The following ESR1 variants were observed in gnomAD, a reference collection of about 807,000 sequenced individuals.
ESR1 encodes the protein estrogen receptor 1.
A neutral mutation model predicts 52.7 loss-of-function variants in ESR1; 12 were observed. The observed-to-expected ratio is 0.23, with a 90% CI of 0.15 to 0.37. The LOEUF (loss-of-function observed/expected upper bound fraction) is 0.37. ESR1 is among the 10% of genes least tolerant of loss of function. ESR1 has a pLI of 1.00. For synonymous variants in ESR1, 305 were observed against 316.8 expected, an observed-to-expected ratio of 0.96 and a Z score of 0.39; for missense variants, 584 against 779.7, an observed-to-expected ratio of 0.75 and a Z score of 2.99.
chr6:152,026,373 A>G (rs2044148709), intron 5 of ESR1, among the ~76,000 whole-genome samples: 1 of 151,952 alleles, frequency 6.6e-6, no homozygotes. Context: ...ATTTTACCCT[A>G]TCTAATATCA....
At chr6:151,822,575 A>G (rs1780742908) in intron 1 of ESR1, among the ~76,000 whole-genome samples, 1 of 152,194 alleles carries the variant, frequency 6.6e-6, no homozygotes, top group South Asian at 2.1e-4. Context: ...TGATCATTTT[A>G]AATCTTCCCG....
Position 152,094,264 on chromosome 6 carries a change from T to A in ESR1, c.1370-121T>A. ...TTTAAATGGGTCCAGAGCATCCCCA[T>A]TGCTAGACTACTGTGCTGAGGAAGG... On this transcript the variant is annotated intron_variant, in intron 6 of 7. Coordinates refer to ENST00000206249, the MANE Select transcript of ESR1 (RefSeq NM_000125.4). The surrounding 1 kb of genome is among the most constrained non-coding windows in gnomAD (Gnocchi z 4.6). The A allele has an allele frequency of 1.2e-6, 1 of 864,634 alleles. No homozygotes were observed. Among genetic ancestry groups the A allele is most frequent in the Non-Finnish European group, 2.0e-6 (1 of 501,918 alleles). The allele number at this position is 864,634 out of a possible 1,614,324, so 53.6% of individuals were successfully genotyped here.
At chr6:152,129,335 C>T (rs2459111) in exon 7 of ESR1, 48,400 of 152,004 alleles carry the variant, frequency 0.32, 8,040 homozygotes, top group Admixed American at 0.4. Context: ...CTCTGGTATC[C>T]TCGAAGGAAT....
At chr6:151,736,379 T>C (rs1562366721) in intron 2 of ESR1, among the ~76,000 whole-genome samples, 1 of 144,300 alleles carries the variant, frequency 6.9e-6, no homozygotes, top group Non-Finnish European at 1.5e-5. Flanking sequence ...GGTAGTGTTT[T>C]TTTTTTTTTT....
intron 6 of ESR1, among the ~76,000 whole-genome samples, chr6:152,073,251 G>A (rs139523881): frequency 1.5e-3 from 227 of 152,276 alleles, no homozygotes; most frequent in African/African-American, 5.2e-3. Context: ...TGGAGTATCC[G>A]TTCATCAGCC....
At chr6:151,857,084 G>A (rs1787985671) in intron 2 of ESR1, among the ~76,000 whole-genome samples, 1 of 152,134 alleles carries the variant, frequency 6.6e-6, no homozygotes, top group Non-Finnish European at 1.5e-5. Flanking sequence ...GGCTGCACAC[G>A]TACATAAGTC....
At chr6:152,082,803 T>C (rs182228027) in intron 6 of ESR1, among the ~76,000 whole-genome samples, 1 of 152,180 alleles carries the variant, frequency 6.6e-6, no homozygotes, top group Non-Finnish European at 1.5e-5. Context: ...ATCACAGGCA[T>C]TCCTGTACAC....
chr6:152,129,043 T>C (rs1253261174), exon 7 of ESR1: 1 of 152,258 alleles, frequency 6.6e-6, no homozygotes, highest in Non-Finnish European at 1.5e-5. Context: ...TAATGAACCG[T>C]GCTGGACAGA....
chr6:151,968,697 T>C (rs2038568111), intron 4 of ESR1, among the ~76,000 whole-genome samples: 1 of 152,104 alleles, frequency 6.6e-6, no homozygotes, highest in Admixed American at 6.5e-5. Flanking sequence ...ACTACAGTTA[T>C]GTGAAAAAGT....
chr6:152,102,814 T>C lies in ESR1; in HGVS notation c.*3848T>C, dbSNP rs574186627. ...TGCCTGAACTTTTAAAATATGTAAA[T>C]GCTGCCATGTTCCAAACCCATCGTC... On this transcript the variant is annotated 3_prime_UTR_variant, in exon 8 of 8. Transcript: ENST00000206249. 48 of 225,326 alleles carry C rather than the reference T, an allele frequency of 2.1e-4. No homozygotes were observed. In the East Asian group the frequency reaches 3.1e-3, roughly 14 times the overall value. 14.0% of individuals were successfully genotyped at this position (225,326 alleles called of 1,614,324 possible). A position where few individuals can be genotyped will look rare whatever the true frequency, so the allele number is the denominator to read the frequency against.
chr6:152,037,137 C>G (rs1275338343), intron 5 of ESR1, among the ~76,000 whole-genome samples: 1 of 152,110 alleles, frequency 6.6e-6, no homozygotes, highest in African/African-American at 2.4e-5. Context: ...GCAATAGCAT[C>G]GGCTTAGTTT....
At chr6:151,816,880 AAAAAAC>A (rs1297226905) in intron 1 of ESR1, among the ~76,000 whole-genome samples, 14 of 152,210 alleles carry the variant, frequency 9.2e-5, no homozygotes, top group African/African-American at 3.4e-4. Context: ...TGTCTCTACA[AAAAAAC>A]AAAAACAAAA....
At chr6:151,822,060 A>T (rs1198552142) in intron 1 of ESR1, among the ~76,000 whole-genome samples, 1 of 152,240 alleles carries the variant, frequency 6.6e-6, no homozygotes, top group Non-Finnish European at 1.5e-5. Flanking sequence ...GATAGAATTT[A>T]TAACTAAACA....
intron 6 of ESR1, among the ~76,000 whole-genome samples, chr6:152,117,217 T>C (rs1432133040): frequency 2.6e-5 from 4 of 152,172 alleles, no homozygotes; most frequent in Non-Finnish European, 4.4e-5. Flanking sequence ...CTCCACTGGG[T>C]TCCTGCCAAT....
At position 152,108,518 on chromosome 6, in the gene ESR1, A is replaced by G. The variant is rs1174822251; in HGVS notation, c.851-16748A>G. Among the ~76,000 whole-genome samples the G allele has an allele frequency of 4.6e-5, 7 of 152,040 alleles. No individual in the cohort carries two copies. In the East Asian group the frequency reaches 1.4e-3, roughly 29 times the overall value. On this transcript the variant is annotated intron_variant, in intron 6 of 6. Transcript: ENST00000427531. Reference sequence around the variant, plus strand: ...CTTTTTGGAGTGAGGATTTACCAATACTCTCTCTCAGCCATAGCTGGGGAT... The same window carrying G: ...CTTTTTGGAGTGAGGATTTACCAATGCTCTCTCTCAGCCATAGCTGGGGAT...
At chr6:151,880,193 T>C (rs1017631181) in intron 2 of ESR1, among the ~76,000 whole-genome samples, 59 of 143,034 alleles carry the variant, frequency 4.1e-4, no homozygotes, top group African/African-American at 1.4e-3. Flanking sequence ...TTTTTTTTTT[T>C]TTTTTTTGAG....
At chr6:151,672,341 A>AT (rs35391281) in intron 1 of ESR1, among the ~76,000 whole-genome samples, 42 of 146,744 alleles carry the variant, frequency 2.9e-4, no homozygotes, top group Middle Eastern at 3.6e-3. Flanking sequence ...TTGTATTTGT[A>AT]TTTTTTTTTT....
chr6:151,823,543 A>T (rs1354924685), intron 1 of ESR1, among the ~76,000 whole-genome samples: 13 of 152,112 alleles, frequency 8.5e-5, no homozygotes, highest in Non-Finnish European at 1.6e-4. Context: ...ACATATGTAT[A>T]CATGTGCCAT....
chr6:151,938,201 A>G (rs1297666559), intron 3 of ESR1, among the ~76,000 whole-genome samples: 1 of 152,222 alleles, frequency 6.6e-6, no homozygotes, highest in African/African-American at 2.4e-5. Flanking sequence ...TACTGATATT[A>G]TACTAGTTTT....
Sources: allele counts gnomAD v4.1 joint callset (sites outside exome capture counted in the v4.1 genomes callset), GRCh38; gene constraint gnomAD v4.1.1; non-coding constraint Gnocchi (gnomAD v3.1); transcripts MANE v1.5; gene names NCBI Gene and HGNC (gene_info 2026-07-23, HGNC 2026-07-21).